The following PCDH11Y variants were observed in gnomAD, a reference collection of about 807,000 sequenced individuals.
PCDH11Y encodes protocadherin-11 Y-linked.
For synonymous variants in PCDH11Y, 9 were observed against 83.6 expected (o/e 0.11, Z 4.87); for missense variants, 12 against 224.8 (o/e 0.05, Z 6.05).
At chrY:5,268,736 A>G (rs2053030913) in intron 2 of PCDH11Y, among the ~76,000 whole-genome samples, 1 of 31,130 alleles carries the variant, frequency 3.2e-5, no homozygotes, top group Non-Finnish European at 7.8e-5. Flanking sequence ...AAGAATTAGC[A>G]AAATCTTTGT....
chrY:5,109,092 G>A (rs2052800460), downstream of PCDH11Y, among the ~76,000 whole-genome samples: 2 of 32,949 alleles, frequency 6.1e-5, no homozygotes, highest in South Asian at 6.5e-4. Flanking sequence ...CTTTTATGAA[G>A]CTTAGTTTGT....
intron 2 of PCDH11Y, among the ~76,000 whole-genome samples, chrY:5,323,953 C>T: frequency 3.1e-5 from 1 of 31,854 alleles, no homozygotes; most frequent in Non-Finnish European, 7.6e-5. Flanking sequence ...CAAATAACCT[C>T]ATGTATCAAA....
intron 4 of PCDH11Y, among the ~76,000 whole-genome samples, chrY:5,656,367 T>G (rs1602956757): frequency 4.3e-4 from 14 of 32,708 alleles, no homozygotes; most frequent in Middle Eastern, 0.015. Flanking sequence ...ATTTTGTGAG[T>G]TGTCTTTTAA....
At chrY:5,524,733 C>A (rs2053384779) in intron 3 of PCDH11Y, among the ~76,000 whole-genome samples, 4 of 32,027 alleles carry the variant, frequency 1.2e-4, no homozygotes, top group Non-Finnish European at 3.0e-4. Flanking sequence ...CACCAACCCC[C>A]CAACAGGCCC....
intron 2 of PCDH11Y, among the ~76,000 whole-genome samples, chrY:5,422,383 A>G: frequency 3.9e-5 from 1 of 25,436 alleles, no homozygotes; most frequent in Admixed American, 3.9e-4. Flanking sequence ...AGCTGTCTAC[A>G]TATTCAGTGC....
chrY:5,619,703 C>G, intron 4 of PCDH11Y, among the ~76,000 whole-genome samples: 1 of 32,834 alleles, frequency 3.0e-5, no homozygotes, highest in Non-Finnish European at 7.5e-5. Context: ...ACATATAAGT[C>G]TGAGAGATGG....
intron 4 of PCDH11Y, among the ~76,000 whole-genome samples, chrY:5,652,079 A>G (rs2053531821): frequency 6.0e-5 from 2 of 33,210 alleles, no homozygotes; most frequent in African/African-American, 2.4e-4. Flanking sequence ...CATGTCTTAC[A>G]TGGATGGAAG....
At chrY:5,477,372 G>A in intron 2 of PCDH11Y, among the ~76,000 whole-genome samples, 1 of 30,470 alleles carries the variant, frequency 3.3e-5, no homozygotes, top group Non-Finnish European at 7.9e-5. Flanking sequence ...ACTTGATCAT[G>A]GTGGATAAGC....
At chrY:5,457,109 A>G in intron 2 of PCDH11Y, among the ~76,000 whole-genome samples, 4 of 34,069 alleles carry the variant, frequency 1.2e-4, no homozygotes, top group African/African-American at 4.6e-4. Flanking sequence ...ACATTTTCCA[A>G]GAGAAATAGC....
At chrY:5,032,742 A>G in intron 3 of PCDH11Y, 2 of 371,595 alleles carry the variant, frequency 5.4e-6, no homozygotes, top group Non-Finnish European at 7.6e-6. Context: ...AGTTTCATAT[A>G]TATTAAATAT....
At chrY:5,407,499 A>C in intron 2 of PCDH11Y, among the ~76,000 whole-genome samples, 1 of 33,443 alleles carries the variant, frequency 3.0e-5, no homozygotes, top group Non-Finnish European at 7.4e-5. Context: ...GAGGACTGGC[A>C]TCCAATGCAG....
At chrY:5,152,447 T>G (rs2052865025) in intron 2 of PCDH11Y, among the ~76,000 whole-genome samples, 1 of 32,687 alleles carries the variant, frequency 3.1e-5, no homozygotes, top group East Asian at 8.2e-4. Flanking sequence ...TATAAACATT[T>G]GTTTTCGTGT....
intron 2 of PCDH11Y, among the ~76,000 whole-genome samples, chrY:5,436,273 C>T: frequency 9.0e-5 from 3 of 33,335 alleles, no homozygotes; most frequent in Admixed American, 8.2e-4. Context: ...CACATGTTTA[C>T]AAGAAACAAA....
chrY:5,245,036 T>C, intron 2 of PCDH11Y, among the ~76,000 whole-genome samples: 4 of 32,913 alleles, frequency 1.2e-4, no homozygotes, highest in Non-Finnish European at 3.0e-4. Context: ...TTCTTCCTCA[T>C]TGGGCAGGGC....
chrY:5,675,726 C>T, intron 4 of PCDH11Y, among the ~76,000 whole-genome samples: 2 of 33,577 alleles, frequency 6.0e-5, no homozygotes, highest in Non-Finnish European at 1.5e-4. Flanking sequence ...CACTCCAAAG[C>T]GATTTTCTTT....
At chrY:5,654,158 T>A in intron 4 of PCDH11Y, among the ~76,000 whole-genome samples, 2 of 32,609 alleles carry the variant, frequency 6.1e-5, no homozygotes, top group Non-Finnish European at 1.5e-4. Flanking sequence ...TACAAACACA[T>A]GCCAAATCAA....
rs2053345411 is a variant in PCDH11Y, at chrY:5,496,811, A to G, written c.3130-4246A>G. On this transcript the variant is annotated intron_variant, in intron 2 of 4. Transcript: ENST00000400457. ...CTCTCCCCTAGCCCCACACCCTCCA[A>G]CAGGCCCCAGTGTGTGATGTTTCCC... Among the ~76,000 whole-genome samples, 22 of 31,747 alleles carry G rather than the reference A, an allele frequency of 6.9e-4. No individual in the cohort carries two copies. In the East Asian group the frequency reaches 0.018, roughly 26 times the overall value. 85.2% of individuals were successfully genotyped at this position (31,747 alleles called of 37,273 possible).
chrY:5,123,974 T>G, intron 2 of PCDH11Y, among the ~76,000 whole-genome samples: 10 of 33,334 alleles, frequency 3.0e-4, no homozygotes, highest in Admixed American at 2.2e-3. Flanking sequence ...ATAATTCCTA[T>G]TTTTGAGTTT....
At chrY:5,015,200 G>A (rs1033617327) in intron 1 of PCDH11Y, among the ~76,000 whole-genome samples, 7 of 33,675 alleles carry the variant, frequency 2.1e-4, no homozygotes, top group Admixed American at 2.7e-4. Context: ...ACAACCCTGC[G>A]GATTAGCTGG....
Sources: allele counts gnomAD v4.1 joint callset (sites outside exome capture counted in the v4.1 genomes callset), GRCh38; gene constraint gnomAD v4.1.1; transcripts MANE v1.5; gene names NCBI Gene and HGNC (gene_info 2026-07-23, HGNC 2026-07-21).